Variants in SNX3 observed in about 807,000 individuals in gnomAD.
SNX3 encodes the protein sorting nexin 3.
Under a neutral mutation model 17.7 loss-of-function variants are expected in SNX3, and 5 were observed. The observed-to-expected ratio is 0.28, with a 90% CI of 0.15 to 0.59. The LOEUF (loss-of-function observed/expected upper bound fraction) is 0.59. Among genes scored for constraint, SNX3 ranks in the 20% least tolerant of loss-of-function variants. SNX3 has a pLI of 0.88. For missense variants in SNX3, 132 were observed against 206.8 expected (o/e 0.64, Z 2.22); for synonymous variants, 91 against 76.5 (o/e 1.19, Z -0.99).
At chr6:108,236,375 A>ATTTTTTTTTTTT (rs1271213219) in intron 1 of SNX3, among the ~76,000 whole-genome samples, 1 of 122,374 alleles carries the variant, frequency 8.2e-6, no homozygotes, top group East Asian at 2.2e-4. Context: ...TATTATTATT[A>ATTTTTTTTTTTT]TTATTTTTTT....
intron 1 of SNX3, among the ~76,000 whole-genome samples, chr6:108,244,730 C>T (rs1274461426): frequency 6.8e-6 from 1 of 146,572 alleles, no homozygotes; most frequent in Non-Finnish European, 1.5e-5. Flanking sequence ...GCAACTTCCA[C>T]CTCGTGGGTT....
intron 1 of SNX3, among the ~76,000 whole-genome samples, chr6:108,260,381 G>A (rs1488001824): frequency 6.6e-6 from 1 of 152,212 alleles, no homozygotes; most frequent in Non-Finnish European, 1.5e-5. Context: ...ACTGGGAAAA[G>A]GCTTTAACTT....
intron 1 of SNX3, among the ~76,000 whole-genome samples, chr6:108,245,083 T>TA (rs1775642698): frequency 6.6e-6 from 1 of 151,876 alleles, no homozygotes; most frequent in African/African-American, 2.4e-5. Context: ...ATGCATTAGG[T>TA]ATTTGTCCTA....
chr6:108,214,043 T>G (rs1353773862), intron 3 of SNX3, among the ~76,000 whole-genome samples: 2 of 152,224 alleles, frequency 1.3e-5, no homozygotes, highest in Non-Finnish European at 2.9e-5. Context: ...ATCCTAAGTC[T>G]TCTTACATTT....
chr6:108,252,689 T>TG (rs1387683380), intron 1 of SNX3, among the ~76,000 whole-genome samples: 1 of 152,132 alleles, frequency 6.6e-6, no homozygotes, highest in African/African-American at 2.4e-5. Context: ...CTCTTTTTTT[T>TG]TGGCACAGAG....
intron 1 of SNX3, among the ~76,000 whole-genome samples, chr6:108,244,027 G>A (rs538202102): frequency 3.3e-5 from 5 of 152,304 alleles, no homozygotes; most frequent in African/African-American, 1.2e-4. Context: ...ATCAGATAAA[G>A]TAGACTGTAA....
chr6:108,256,099 A>G (rs1427408325), intron 1 of SNX3, among the ~76,000 whole-genome samples: 2 of 152,052 alleles, frequency 1.3e-5, no homozygotes, highest in African/African-American at 4.8e-5. Context: ...GTGTGGTGGT[A>G]TGCGCCTGTG....
At chr6:108,228,534 G>A (rs577999046) in intron 1 of SNX3, among the ~76,000 whole-genome samples, 113 of 149,650 alleles carry the variant, frequency 7.6e-4, no homozygotes, top group African/African-American at 2.5e-3. Flanking sequence ...CAACAAGAGC[G>A]AAACTCTGTT....
intron 1 of SNX3, among the ~76,000 whole-genome samples, chr6:108,254,886 G>T (rs1775985768): frequency 6.6e-6 from 1 of 152,134 alleles, no homozygotes; most frequent in Non-Finnish European, 1.5e-5. Flanking sequence ...AAAAGGCCTG[G>T]ATACAAAAGA....
chr6:108,228,001 G>T (rs1383893465), intron 1 of SNX3, among the ~76,000 whole-genome samples: 2 of 152,108 alleles, frequency 1.3e-5, no homozygotes, highest in Non-Finnish European at 2.9e-5. Flanking sequence ...CACCATGCTA[G>T]ATAAGGGAGA....
At chr6:108,212,629 C>T (rs1407433395) in intron 3 of SNX3, among the ~76,000 whole-genome samples, 7 of 152,090 alleles carry the variant, frequency 4.6e-5, no homozygotes, top group African/African-American at 1.4e-4. Flanking sequence ...TGAGCCACTG[C>T]GCCCGGCTCA....
intron 1 of SNX3, among the ~76,000 whole-genome samples, chr6:108,236,573 C>T (rs1416745616): frequency 2.6e-5 from 4 of 151,014 alleles, no homozygotes; most frequent in Admixed American, 6.6e-5. Flanking sequence ...TTAGTAGAGA[C>T]GGGGTTTCAC....
At chr6:108,221,497 GAGGAATACAGTATTACA>G (rs1253738453) in intron 2 of SNX3, among the ~76,000 whole-genome samples, 11 of 144,542 alleles carry the variant, frequency 7.6e-5, no homozygotes, top group Non-Finnish European at 1.4e-4. Context: ...CATTCCAAAC[GAGGAATACAGTATTACA>G]AGGAATACAG....
At chr6:108,214,441 A>C in intron 3 of SNX3, 57 bp downstream of exon 3, 1 of 1,561,018 alleles carries the variant, frequency 6.4e-7, no homozygotes, top group Non-Finnish European at 8.7e-7. Context: ...CTTAACATCT[A>C]AACTACAAGT....
chr6:108,260,699 G>C lies in SNX3; in HGVS notation c.162+61C>G, dbSNP rs1370513208. 1.3e-5 allele frequency: 21 copies of C among 1,594,188 alleles called. No homozygotes were observed. In the Admixed American group the frequency reaches 1.5e-4, roughly 12 times the overall value. On this transcript the variant is annotated intron_variant, in intron 1 of 3. Transcript: ENST00000230085. ...GCCCGCGGGGGTCCACTCCCGGGTC[G>C]AGTGGGGGTGACCAGAGCCAGCGGG...
intron 2 of SNX3, among the ~76,000 whole-genome samples, chr6:108,217,541 G>A (rs1039087029): frequency 2.6e-5 from 4 of 152,046 alleles, no homozygotes; most frequent in Admixed American, 6.6e-5. Context: ...GATCACCTGA[G>A]GTCAGAAGTT....
At chr6:108,246,686 A>G (rs749267881) in intron 1 of SNX3, among the ~76,000 whole-genome samples, 7 of 151,760 alleles carry the variant, frequency 4.6e-5, no homozygotes, top group Non-Finnish European at 8.8e-5. Context: ...TGGGAACATA[A>G]ATTCAGTATA....
intron 1 of SNX3, among the ~76,000 whole-genome samples, chr6:108,244,397 C>T (rs1244532777): frequency 2.6e-5 from 4 of 152,156 alleles, no homozygotes; most frequent in Non-Finnish European, 4.4e-5. Context: ...TCAAGTGATC[C>T]TCCTGCTTTG....
chr6:108,230,823 C>T (rs1006670102), intron 1 of SNX3, among the ~76,000 whole-genome samples: 5 of 152,142 alleles, frequency 3.3e-5, no homozygotes, highest in Non-Finnish European at 7.4e-5. Flanking sequence ...TTACCTGCAT[C>T]TCAAAAAAGT....
Sources: allele counts gnomAD v4.1 joint callset (sites outside exome capture counted in the v4.1 genomes callset), GRCh38; gene constraint gnomAD v4.1.1; transcripts MANE v1.5; gene names NCBI Gene and HGNC (gene_info 2026-07-23, HGNC 2026-07-21).